The following ABHD17C variants were observed in gnomAD, a reference collection of about 807,000 sequenced individuals.
ABHD17C encodes the protein alpha/beta hydrolase domain-containing protein 17C.
In ABHD17C, 11 loss-of-function variants were observed where a neutral mutation model predicts 27.9. The ratio of observed to expected loss-of-function variants is 0.39; its 90% CI spans 0.25 to 0.65. ABHD17C has a LOEUF of 0.65. Among genes scored for constraint, ABHD17C ranks in the 30% least tolerant of loss-of-function variants. The pLI is 0.45. For missense variants in ABHD17C, 280 were observed against 470.2 expected (o/e 0.60, Z 3.74); for synonymous variants, 233 against 209.1 (o/e 1.11, Z -0.98).
intron 1 of ABHD17C, among the ~76,000 whole-genome samples, chr15:80,720,193 A>C (rs1197014801): frequency 6.7e-6 from 1 of 148,574 alleles, no homozygotes; most frequent in African/African-American, 2.5e-5. Context: ...TTTGCATCAC[A>C]CTCTCCCTTG....
intron 1 of ABHD17C, among the ~76,000 whole-genome samples, chr15:80,713,860 T>C (rs1406657250): frequency 2.0e-5 from 3 of 150,610 alleles, no homozygotes; most frequent in Non-Finnish European, 3.0e-5. Flanking sequence ...GCCTGGGTAG[T>C]CTTATAATAT....
chr15:80,696,028 G>A lies in ABHD17C; in HGVS notation c.590+9G>A, dbSNP rs771401727. ...CAGGCGCTGCGCACCCGGTGAGCCT[G>A]CCGGGGTCGCCAGGCCTGACTTCCA... On this transcript the variant is annotated intron_variant, in intron 1 of 2. Transcript: ENST00000258884. 4 of 1,551,622 alleles carry A rather than the reference G, an allele frequency of 2.6e-6. No individual in the cohort carries two copies. In the African/African-American group the frequency reaches 5.4e-5, roughly 21 times the overall value.
intron 1 of ABHD17C, among the ~76,000 whole-genome samples, chr15:80,726,152 A>G (rs139608980): frequency 5.3e-5 from 8 of 152,366 alleles, no homozygotes; most frequent in Admixed American, 5.2e-4. Flanking sequence ...GCATGTCCTT[A>G]AGGCACAGAT....
chr15:80,713,382 T>TTTC (rs1567032390), intron 1 of ABHD17C, among the ~76,000 whole-genome samples: 1 of 95,964 alleles, frequency 1.0e-5, no homozygotes, highest in African/African-American at 3.2e-5. Flanking sequence ...TTTTTTTTTT[T>TTTC]CAAAATCAGC....
chr15:80,729,919 C>CT (rs927550621), intron 1 of ABHD17C, among the ~76,000 whole-genome samples: 3 of 151,466 alleles, frequency 2.0e-5, no homozygotes, highest in Non-Finnish European at 4.4e-5. Flanking sequence ...CAAGATCAGC[C>CT]TGGGGGCCAA....
At chr15:80,744,216 A>G (rs532017478) in intron 1 of ABHD17C, among the ~76,000 whole-genome samples, 1 of 152,176 alleles carries the variant, frequency 6.6e-6, no homozygotes, top group Non-Finnish European at 1.5e-5. Context: ...GAATCCGCAC[A>G]CCCACTGAAT....
Position 80,722,401 on chromosome 15 carries a change from C to T in ABHD17C, c.590+26382C>T, listed in dbSNP as rs138640221. On this transcript the variant is annotated intron_variant, in intron 1 of 2. Transcript: ENST00000258884. Reference sequence around the variant, plus strand: ...CTTTTTTAAAAGAACTGCTTTGTTGCGCTGTGATTGACATACAAAAAGCTG... The same window carrying T: ...CTTTTTTAAAAGAACTGCTTTGTTGTGCTGTGATTGACATACAAAAAGCTG... Among the ~76,000 whole-genome samples the T allele has an allele frequency of 3.5e-4, 53 of 149,736 alleles. No individual in the cohort carries two copies. In the East Asian group the frequency reaches 6.9e-3, roughly 20 times the overall value.
chr15:80,716,819 A>G (rs960162126), intron 1 of ABHD17C, among the ~76,000 whole-genome samples: 3 of 152,152 alleles, frequency 2.0e-5, no homozygotes, highest in Non-Finnish European at 2.9e-5. Flanking sequence ...TCCCTTGACC[A>G]TTCTTTGTAT....
chr15:80,702,404 C>T (rs1894585648), intron 1 of ABHD17C, among the ~76,000 whole-genome samples: 1 of 152,114 alleles, frequency 6.6e-6, no homozygotes, highest in South Asian at 2.1e-4. Flanking sequence ...TGAGACCAGC[C>T]CGGGCAACAT....
intron 1 of ABHD17C, among the ~76,000 whole-genome samples, chr15:80,707,323 C>A (rs2141492912): frequency 6.6e-6 from 1 of 152,298 alleles, no homozygotes; most frequent in African/African-American, 2.4e-5. Flanking sequence ...GTTGGATCTG[C>A]AGGGCAGACA....
intron 1 of ABHD17C, among the ~76,000 whole-genome samples, chr15:80,711,890 C>G (rs961309495): frequency 1.3e-5 from 2 of 152,170 alleles, no homozygotes; most frequent in Non-Finnish European, 2.9e-5. Context: ...ATTTGCAACT[C>G]TTTTTTGAAA....
At chr15:80,727,910 G>A (rs1895003172) in intron 1 of ABHD17C, among the ~76,000 whole-genome samples, 1 of 152,128 alleles carries the variant, frequency 6.6e-6, no homozygotes, top group Non-Finnish European at 1.5e-5. Context: ...CAGCATTGTT[G>A]CTGCCACTCC....
At chr15:80,709,386 G>A (rs1894697295) in intron 1 of ABHD17C, among the ~76,000 whole-genome samples, 1 of 151,690 alleles carries the variant, frequency 6.6e-6, no homozygotes, top group African/African-American at 2.4e-5. Flanking sequence ...CTACTTGGGA[G>A]GCTGAGGCAT....
chr15:80,737,658 T>G (rs1227883614), intron 1 of ABHD17C, among the ~76,000 whole-genome samples: 1 of 152,140 alleles, frequency 6.6e-6, no homozygotes, highest in Non-Finnish European at 1.5e-5. Context: ...AGTGGATGGC[T>G]CAGGAAAGAA....
At chr15:80,727,599 G>T (rs1894999056) in intron 1 of ABHD17C, among the ~76,000 whole-genome samples, 1 of 152,060 alleles carries the variant, frequency 6.6e-6, no homozygotes, top group Non-Finnish European at 1.5e-5. Flanking sequence ...TGAGCAAAAG[G>T]TGGGGAAGAA....
At chr15:80,720,250 T>C (rs1894874902) in intron 1 of ABHD17C, among the ~76,000 whole-genome samples, 1 of 152,046 alleles carries the variant, frequency 6.6e-6, no homozygotes, top group Non-Finnish European at 1.5e-5. Context: ...TCTGCTTCCC[T>C]GCCCAGGACT....
intron 1 of ABHD17C, among the ~76,000 whole-genome samples, chr15:80,741,830 GC>G (rs568010927): frequency 1.5e-3 from 235 of 152,204 alleles, no homozygotes; most frequent in African/African-American, 5.5e-3. Flanking sequence ...GTGCTTTGGA[GC>G]CCCCGTGAAG....
In ABHD17C at chr15:80,695,478, T is replaced by A; in HGVS notation, c.49T>A (p.Cys17Ser). The A allele has an allele frequency of 7.2e-7, 1 of 1,392,120 alleles. No individual in the cohort carries two copies. Among genetic ancestry groups the A allele is most frequent in the Non-Finnish European group, 9.4e-7 (1 of 1,062,436 alleles). 86.2% of individuals were successfully genotyped at this position (1,392,120 alleles called of 1,614,324 possible). A position where few individuals can be genotyped will look rare whatever the true frequency, so the allele number is the denominator to read the frequency against. The change falls in exon 1 of 3, where the codon TGC becomes AGC. Residue 17 changes from cysteine to serine, a missense_variant. Cys to Ser is a moderately radical substitution (Grantham distance 112). Coordinates refer to ENST00000258884, the MANE Select transcript of ABHD17C (RefSeq NM_021214.2). This position sits in a 1 kb window ranked among gnomAD's most constrained non-coding sequence, Gnocchi z 4.3. ...GAACGGCTTCTCGCTGGGTGAGCTGTGCTGGCTCTTCTGCTGCCCGCCCTG... is the reference window on the plus strand; with the variant it reads ...GAACGGCTTCTCGCTGGGTGAGCTGAGCTGGCTCTTCTGCTGCCCGCCCTG... ...RMNGFSLGEL[C>S]WLFCCPPCPS...
rs1433755322 is a variant in ABHD17C, at chr15:80,708,165, C to T, written c.590+12146C>T. On this transcript the variant is annotated intron_variant, in intron 1 of 2. Transcript: ENST00000258884. Reference sequence around the variant, plus strand: ...TCATCTGAATATCTGGTCAGCCACACGTTTCTATTACTATTTCCTCTGTTT... The same window carrying T: ...TCATCTGAATATCTGGTCAGCCACATGTTTCTATTACTATTTCCTCTGTTT... Among the ~76,000 whole-genome samples the T allele has an allele frequency of 4.6e-5, 7 of 152,154 alleles. No individual in the cohort carries two copies. The South Asian group carries it at 1.2e-3, about 27-fold the overall frequency.
Sources: gnomAD v4.1 joint callset for allele counts (sites outside exome capture counted in the v4.1 genomes callset) on GRCh38, gnomAD v4.1.1 for gene constraint, Gnocchi (gnomAD v3.1) non-coding constraint, MANE v1.5 for transcripts, NCBI Gene and HGNC (gene_info 2026-07-23, HGNC 2026-07-21) for gene names.